Variants in KCNH5 observed in about 807,000 individuals in gnomAD.
KCNH5 encodes potassium voltage-gated channel subfamily H member 5, also known as voltage-gated delayed rectifier potassium channel KCNH5.
In KCNH5, 46 loss-of-function variants were observed where a neutral mutation model predicts 96.1. The observed-to-expected ratio is 0.48, with a 90% confidence interval of 0.38 to 0.61. The LOEUF (loss-of-function observed/expected upper bound fraction) is 0.61, where lower values mean the gene tolerates loss of function less well. Among genes scored for constraint, KCNH5 ranks in the 20% least tolerant of loss-of-function variants. The pLI is 0.00. For missense variants in KCNH5, 907 were observed against 1,225.8 expected (o/e 0.74, Z 3.88); for synonymous variants, 439 against 449.8 (o/e 0.98, Z 0.30).
intron 6 of KCNH5, among the ~76,000 whole-genome samples, chr14:62,973,292 G>T (rs1890443471): frequency 6.6e-6 from 1 of 152,178 alleles, no homozygotes; most frequent in Admixed American, 6.5e-5. Context: ...ACAGTGAAAA[G>T]AAAAATCAAC....
intron 1 of KCNH5, among the ~76,000 whole-genome samples, chr14:63,034,004 C>T (rs1054785165): frequency 6.6e-5 from 10 of 152,072 alleles, no homozygotes; most frequent in Admixed American, 4.6e-4. Context: ...ACTGCAATCT[C>T]CACCTTCTGG....
Position 62,724,188 on chromosome 14 carries a change from C to T in KCNH5, c.2020-15733G>A, listed in dbSNP as rs182978232. ...AATAGCACTGGTTATTAGTACCACCCCCAATTTGATAACTTCCTTTGCCGG... is the reference window on the plus strand; with the variant it reads ...AATAGCACTGGTTATTAGTACCACCTCCAATTTGATAACTTCCTTTGCCGG... On this transcript the variant is annotated intron_variant, in intron 10 of 10. Coordinates refer to ENST00000322893, the MANE Select transcript of KCNH5 (RefSeq NM_139318.5). Among the ~76,000 whole-genome samples, 257 of 152,228 alleles carry T rather than the reference C, an allele frequency of 1.7e-3. 2 individuals are homozygous for T. The highest frequency in any genetic ancestry group is 6.1e-3 in the African/African-American group (252 of 41,544).
intron 6 of KCNH5, among the ~76,000 whole-genome samples, chr14:62,963,029 T>C (rs549456509): frequency 3.4e-4 from 52 of 152,240 alleles, no homozygotes; most frequent in Non-Finnish European, 5.9e-4. Context: ...AGCCTAAAGC[T>C]AGGTCACAAT....
intron 5 of KCNH5, among the ~76,000 whole-genome samples, chr14:62,986,205 G>A (rs1178707533): frequency 1.3e-5 from 2 of 152,164 alleles, no homozygotes; most frequent in Non-Finnish European, 2.9e-5. Context: ...TTGTGCCTTG[G>A]ATCCCTATGG....
chr14:62,837,546 A>C (rs1272013321), intron 8 of KCNH5, among the ~76,000 whole-genome samples: 1 of 152,228 alleles, frequency 6.6e-6, no homozygotes, highest in East Asian at 1.9e-4. Flanking sequence ...ATAGTAAATA[A>C]GCCATCATTA....
intron 5 of KCNH5, among the ~76,000 whole-genome samples, chr14:62,986,455 A>G (rs1890710232): frequency 1.3e-5 from 2 of 152,184 alleles, no homozygotes; most frequent in Non-Finnish European, 2.9e-5. Context: ...CAACGTCACC[A>G]TACTACCTCA....
chr14:63,023,202 C>CAA (rs570430845), intron 1 of KCNH5, among the ~76,000 whole-genome samples: 1 of 131,032 alleles, frequency 7.6e-6, no homozygotes, highest in African/African-American at 2.8e-5. Context: ...GACTACATCT[C>CAA]AAAAAAAAAA....
intron 10 of KCNH5, among the ~76,000 whole-genome samples, chr14:62,718,280 C>T (rs78679342): frequency 0.01 from 1,544 of 151,934 alleles, 22 homozygotes; most frequent in African/African-American, 0.035. Flanking sequence ...CATATCTACC[C>T]CCGAATTTAA....
intron 7 of KCNH5, among the ~76,000 whole-genome samples, chr14:62,855,165 T>C (rs1012178376): frequency 2.0e-5 from 3 of 152,064 alleles, no homozygotes; most frequent in Non-Finnish European, 4.4e-5. Flanking sequence ...CCCTGGCCAA[T>C]AGCTTTGGCT....
At chr14:62,998,551 T>C (rs1204919625) in intron 4 of KCNH5, among the ~76,000 whole-genome samples, 1 of 152,202 alleles carries the variant, frequency 6.6e-6, no homozygotes, top group Non-Finnish European at 1.5e-5. Context: ...TCTTAGATTA[T>C]TGATTTTATG....
intron 9 of KCNH5, among the ~76,000 whole-genome samples, chr14:62,780,718 T>A (rs915502470): frequency 2.0e-5 from 3 of 152,180 alleles, no homozygotes; most frequent in African/African-American, 7.2e-5. Flanking sequence ...AGTACTTAGT[T>A]GCCCAAATAA....
At chr14:62,843,370 A>G (rs1887623584) in intron 8 of KCNH5, among the ~76,000 whole-genome samples, 1 of 149,300 alleles carries the variant, frequency 6.7e-6, no homozygotes. Flanking sequence ...AGACCAATTC[A>G]GCTTTATTTT....
chr14:62,744,413 C>T (rs921542268), intron 10 of KCNH5, among the ~76,000 whole-genome samples: 23 of 152,132 alleles, frequency 1.5e-4, no homozygotes, highest in African/African-American at 5.6e-4. Flanking sequence ...TAATTATTCT[C>T]ATTTAAAAAC....
At position 62,707,404 on chromosome 14, in the gene KCNH5, G is replaced by A. The variant is rs554484432; in HGVS notation, c.*104C>T. On this transcript the variant is annotated 3_prime_UTR_variant, in exon 11 of 11. Coordinates refer to ENST00000322893, the MANE Select transcript of KCNH5 (RefSeq NM_139318.5). ...ATTTACATATCAAAATCCATGTGTGGTCATCATCTTGAAAGCAAGTGAAAA... is the reference window on the plus strand; with the variant it reads ...ATTTACATATCAAAATCCATGTGTGATCATCATCTTGAAAGCAAGTGAAAA... The A allele has an allele frequency of 3.8e-6, 2 of 532,938 alleles. No homozygotes were observed. The highest frequency in any genetic ancestry group is 1.0e-4 in the South Asian group (1 of 9,784). The allele number at this position is 532,938 out of a possible 1,614,324, so 33.0% of individuals were successfully genotyped here. A position where few individuals can be genotyped will look rare whatever the true frequency, so the allele number is the denominator to read the frequency against.
intron 7 of KCNH5, among the ~76,000 whole-genome samples, chr14:62,862,886 G>T (rs79439568): frequency 0.029 from 4,354 of 152,256 alleles, 80 homozygotes; most frequent in Middle Eastern, 0.058. Context: ...AATGATGAAT[G>T]GGTGTGGATT....
intron 1 of KCNH5, among the ~76,000 whole-genome samples, chr14:63,019,414 T>TACTATAGTAATTAAGTAA (rs539822636): frequency 2.0e-5 from 3 of 152,108 alleles, no homozygotes; most frequent in South Asian, 4.1e-4. Flanking sequence ...AACAAAGTTC[T>TACTATAGTAATTAAGTAA]ACTATAGTAA....
intron 10 of KCNH5, among the ~76,000 whole-genome samples, chr14:62,754,290 A>G (rs1033497628): frequency 3.3e-5 from 5 of 152,260 alleles, no homozygotes; most frequent in African/African-American, 1.2e-4. Context: ...AAAACATAAC[A>G]TCAGAAAAAA....
chr14:62,962,113 G>A (rs1011122395), intron 6 of KCNH5, among the ~76,000 whole-genome samples: 17 of 152,016 alleles, frequency 1.1e-4, no homozygotes, highest in African/African-American at 3.9e-4. Flanking sequence ...GATGGATACA[G>A]GGACAGGGAT....
At chr14:62,722,002 C>T (rs1884826868) in intron 10 of KCNH5, among the ~76,000 whole-genome samples, 1 of 152,138 alleles carries the variant, frequency 6.6e-6, no homozygotes, top group Non-Finnish European at 1.5e-5. Flanking sequence ...TAAGTCAATG[C>T]CCAGTAGCAC....
Sources: gnomAD v4.1 joint callset for allele counts (sites outside exome capture counted in the v4.1 genomes callset) on GRCh38, gnomAD v4.1.1 for gene constraint, MANE v1.5 for transcripts, NCBI Gene and HGNC (gene_info 2026-07-23, HGNC 2026-07-21) for gene names.